Variants in MTHFD2L observed in about 807,000 individuals in gnomAD.
MTHFD2L encodes methylenetetrahydrofolate dehydrogenase (NADP+ dependent) 2 like.
Under a neutral mutation model 34.9 loss-of-function variants are expected in MTHFD2L, and 29 were observed. That is an observed-to-expected ratio of 0.83 (90% CI 0.62 to 1.13). The LOEUF (loss-of-function observed/expected upper bound fraction) is 1.13, where lower values mean the gene tolerates loss of function less well. Among genes scored for constraint, MTHFD2L ranks in the 50% most tolerant of loss-of-function variants. The pLI, the probability that MTHFD2L is intolerant of heterozygous loss-of-function variation, is 0.00. For synonymous variants in MTHFD2L, 167 were observed against 155.7 expected, an observed-to-expected ratio of 1.07 and a Z score of -0.54; for missense variants, 481 against 446.5, an observed-to-expected ratio of 1.08 and a Z score of -0.70.
rs766729389 is a variant in MTHFD2L, at chr4:74,125,715, G to A, written c.-297+198G>A. Among the ~76,000 whole-genome samples the A allele has an allele frequency of 4.3e-4, 66 of 151,790 alleles. 1 individual carries two copies. The highest frequency in any genetic ancestry group is 4.6e-4 in the Admixed American group (7 of 15,222). On this transcript the variant is annotated intron_variant, in intron 1 of 7. Coordinates refer to the MTHFD2L transcript ENST00000433372. Reference sequence around the variant, plus strand: ...GATAGTAATTTGCTTTTTTAATAATGGAAAATGTAGAGCAATATAGCAAAC... The same window carrying A: ...GATAGTAATTTGCTTTTTTAATAATAGAAAATGTAGAGCAATATAGCAAAC...
chr4:74,215,546 A>G (rs563967219), intron 5 of MTHFD2L, among the ~76,000 whole-genome samples: 8 of 151,344 alleles, frequency 5.3e-5, no homozygotes, highest in Non-Finnish European at 8.8e-5. Context: ...ACCAGTCCCA[A>G]TGAGATGAGC....
chr4:74,294,415 T>TAA (rs1749376095), intron 7 of MTHFD2L, among the ~76,000 whole-genome samples: 1 of 152,034 alleles, frequency 6.6e-6, no homozygotes, highest in African/African-American at 2.4e-5. Flanking sequence ...CCTGGGAACA[T>TAA]AAAGTTTCCA....
At chr4:74,120,805 T>C (rs1274959970), upstream of MTHFD2L, among the ~76,000 whole-genome samples, 1 of 152,174 alleles carries the variant, frequency 6.6e-6, no homozygotes, top group Non-Finnish European at 1.5e-5. Context: ...GCCAGAGTGT[T>C]TGAGTTATGA....
intron 1 of MTHFD2L, among the ~76,000 whole-genome samples, chr4:74,148,418 T>C (rs997973824): frequency 2.0e-5 from 3 of 150,914 alleles, no homozygotes; most frequent in African/African-American, 7.3e-5. Flanking sequence ...GACAGAGTTT[T>C]GCTCTGTTGC....
chr4:74,290,997 C>CCTTTT (rs1262772112), intron 7 of MTHFD2L, among the ~76,000 whole-genome samples: 18 of 59,248 alleles, frequency 3.0e-4, no homozygotes, highest in South Asian at 6.1e-4. Flanking sequence ...ATTTATTTTT[C>CCTTTT]CTTTTCTTTT....
upstream of MTHFD2L, among the ~76,000 whole-genome samples, chr4:74,122,454 C>A (rs1721812777): frequency 6.6e-6 from 1 of 152,124 alleles, no homozygotes; most frequent in Admixed American, 6.6e-5. Context: ...AAATCCATCC[C>A]CATGACTTAA....
chr4:74,173,446 G>A (rs546853220), intron 1 of MTHFD2L, among the ~76,000 whole-genome samples: 6 of 152,096 alleles, frequency 3.9e-5, no homozygotes, highest in Non-Finnish European at 7.4e-5. Context: ...CTAAACTATC[G>A]GTTTACTGAC....
At chr4:74,156,896 GCTTTT>G (rs1724313176), upstream of MTHFD2L, 2 of 151,970 alleles carry the variant, frequency 1.3e-5, no homozygotes, top group African/African-American at 4.8e-5. Context: ...TAACTGAGTT[GCTTTT>G]CTTTTTTCTT....
At chr4:74,198,613 G>C (rs888656386) in intron 3 of MTHFD2L, among the ~76,000 whole-genome samples, 1 of 151,848 alleles carries the variant, frequency 6.6e-6, no homozygotes, top group African/African-American at 2.4e-5. Context: ...TTTTAAAAAA[G>C]AACCAGTATT....
intron 1 of MTHFD2L, among the ~76,000 whole-genome samples, chr4:74,134,669 T>C (rs989523564): frequency 6.6e-6 from 1 of 152,162 alleles, no homozygotes; most frequent in South Asian, 2.1e-4. Context: ...GTGAACTCTC[T>C]GACCAAGAAT....
chr4:74,225,461 A>G, intron 6 of MTHFD2L, 67 bp downstream of exon 6: 3 of 1,303,594 alleles, frequency 2.3e-6, no homozygotes, highest in East Asian at 2.3e-5. Context: ...CTAAATGCTG[A>G]CATGTTTGAA....
At chr4:74,172,306 C>T (rs534668440) in intron 1 of MTHFD2L, among the ~76,000 whole-genome samples, 91 of 152,216 alleles carry the variant, frequency 6.0e-4, no homozygotes, top group African/African-American at 2.1e-3. Flanking sequence ...AAAACTTAAA[C>T]TTGTACATGT....
chr4:74,156,931 G>T (rs1381654528), upstream of MTHFD2L: 1 of 152,068 alleles, frequency 6.6e-6, no homozygotes, highest in African/African-American at 2.4e-5. Context: ...AGTTTCAAGA[G>T]TTCTTCGTAT....
At chr4:74,273,887 T>C (rs923135532) in intron 6 of MTHFD2L, among the ~76,000 whole-genome samples, 7 of 152,102 alleles carry the variant, frequency 4.6e-5, no homozygotes, top group Non-Finnish European at 8.8e-5. Context: ...TTTGGAGAGA[T>C]TTCACGAGAC....
intron 6 of MTHFD2L, among the ~76,000 whole-genome samples, chr4:74,266,564 G>A (rs1207137350): frequency 6.6e-6 from 1 of 152,146 alleles, no homozygotes; most frequent in African/African-American, 2.4e-5. Flanking sequence ...CCAAGACACA[G>A]CCCAGGGAGC....
intron 5 of MTHFD2L, among the ~76,000 whole-genome samples, chr4:74,224,998 A>G (rs1044816733): frequency 6.6e-6 from 1 of 152,128 alleles, no homozygotes; most frequent in African/African-American, 2.4e-5. Context: ...CTGTATACTA[A>G]TGTATTAAGC....
intron 5 of MTHFD2L, among the ~76,000 whole-genome samples, chr4:74,202,537 T>C (rs16850645): frequency 0.056 from 8,475 of 152,184 alleles, 627 homozygotes; most frequent in African/African-American, 0.16. Context: ...TGATGGGGCA[T>C]TGTTCGTGGT....
At chr4:74,201,098 A>G (rs1734341395) in intron 4 of MTHFD2L, among the ~76,000 whole-genome samples, 165 bp from the exon 5 acceptor site, 1 of 152,228 alleles carries the variant, frequency 6.6e-6, no homozygotes, top group South Asian at 2.1e-4. Flanking sequence ...AAGAAGCATA[A>G]AATGAATTAT....
At chr4:74,284,040 T>G (rs1431209974) in intron 7 of MTHFD2L, among the ~76,000 whole-genome samples, 1 of 152,182 alleles carries the variant, frequency 6.6e-6, no homozygotes, top group Admixed American at 6.6e-5. Flanking sequence ...TCACTATAAC[T>G]ATAGCCAAGA....
Sources: allele counts gnomAD v4.1 joint callset (sites outside exome capture counted in the v4.1 genomes callset), GRCh38; gene constraint gnomAD v4.1.1; transcripts MANE v1.5; gene names NCBI Gene and HGNC (gene_info 2026-07-23, HGNC 2026-07-21).